WARS1: variants seen among roughly 807,000 people sequenced by gnomAD.
The protein encoded by WARS1 is tryptophan--tRNA ligase, cytoplasmic.
A neutral mutation model predicts 47.8 loss-of-function variants in WARS1; 17 were observed. The observed-to-expected ratio is 0.36, with a 90% CI of 0.24 to 0.53. WARS1 has a LOEUF of 0.53. Among genes scored for constraint, WARS1 ranks in the 20% least tolerant of loss-of-function variants. The pLI is 0.91. For synonymous variants in WARS1, 208 were observed against 228.1 expected (o/e 0.91, Z 0.79); for missense variants, 434 against 608.0 (o/e 0.71, Z 3.01).
chr14:100,370,029 T>C lies in WARS1; in HGVS notation c.-73-771A>G, dbSNP rs528458367. On this transcript the variant is annotated intron_variant, in intron 1 of 10. Coordinates refer to ENST00000392882, the MANE Select transcript of WARS1 (RefSeq NM_004184.4). ...CTTGGGCTTTTGCAGCCATAACTAA[T>C]ATATCGCTGAGCAAATGTCTTCCAC... 7.9e-5 allele frequency among the ~76,000 whole-genome samples: 12 copies of C among 152,302 alleles called. No homozygotes were observed. In the South Asian group the frequency reaches 2.5e-3, roughly 32 times the overall value.
chr14:100,366,473 T>A (rs1376985716), intron 2 of WARS1, among the ~76,000 whole-genome samples: 1 of 151,956 alleles, frequency 6.6e-6, no homozygotes, highest in Non-Finnish European at 1.5e-5. Context: ...ACCAAACAGT[T>A]GAGAATTGCC....
chr14:100,348,422 G>A (rs1312374557), intron 6 of WARS1, among the ~76,000 whole-genome samples: 3 of 152,180 alleles, frequency 2.0e-5, no homozygotes, highest in East Asian at 3.9e-4. Flanking sequence ...CCTAGCAGCC[G>A]GCTGAGTTTC....
intron 6 of WARS1, among the ~76,000 whole-genome samples, chr14:100,350,207 C>T (rs891233536): frequency 6.6e-6 from 1 of 151,940 alleles, no homozygotes; most frequent in African/African-American, 2.4e-5. Flanking sequence ...GCCTGGCCAA[C>T]ATGGTGAAAC....
At position 100,353,683 on chromosome 14, in the gene WARS1, T is replaced by C; in HGVS notation, c.725+4A>G. ...GAAAAGGCAGCCAGACGTTTTCTCC[T>C]TACCCCATGTAGTCCAGGTCAGAGA... On this transcript the variant is annotated splice_donor_region_variant and intron_variant, in intron 6 of 10. Transcript: ENST00000392882. The C allele has an allele frequency of 1.2e-6, 2 of 1,613,780 alleles. No homozygotes were observed. Among genetic ancestry groups the C allele is most frequent in the Non-Finnish European group, 1.7e-6 (2 of 1,179,880 alleles).
At chr14:100,335,977 A>T (rs1277633162) in intron 10 of WARS1, among the ~76,000 whole-genome samples, 25 of 149,690 alleles carry the variant, frequency 1.7e-4, no homozygotes, top group African/African-American at 3.9e-4. Context: ...TTTTTTTTTT[A>T]AAAGAAATGA....
intron 8 of WARS1, 90 bp downstream of exon 8, chr14:100,343,180 CATCAT>C: frequency 4.6e-6 from 5 of 1,081,960 alleles, no homozygotes; most frequent in Non-Finnish European, 6.5e-6. Flanking sequence ...CCTGGCTGCC[CATCAT>C]ATCTTTCAAT....
chr14:100,369,180 G>T lies in WARS1; in HGVS notation c.6C>A (p.Pro2=). Residue 2 remains proline (P), a synonymous_variant, in exon 2 of 11, where the codon CCC becomes CCA. Transcript: ENST00000392882. M[P]NSEPASLLEL... ...CCAGCAGAGATGCGGGCTCACTGTT[G>T]GGCATGTTTGCTATCTCTCAGGAAC... The T allele has an allele frequency of 6.7e-7, 1 of 1,482,048 alleles. No individual in the cohort carries two copies. The highest frequency in any genetic ancestry group is 1.3e-5 in the South Asian group (1 of 74,668). 91.8% of individuals were successfully genotyped at this position (1,482,048 alleles called of 1,614,324 possible).
chr14:100,365,494 C>T lies in WARS1; in HGVS notation c.100-3573G>A, dbSNP rs553492689. The T allele has an allele frequency of 1.4e-4, 37 of 265,660 alleles. 2 individuals carry two copies. Among genetic ancestry groups the T allele is most frequent in the South Asian group, 1.1e-3 (36 of 32,394 alleles). 16.5% of individuals were successfully genotyped at this position (265,660 alleles called of 1,614,324 possible). ...ACTTACGAGGCCAGGGCAGGAGAAT[C>T]GCTCGAACTCAGGAGGCAGAGGTTG... On this transcript the variant is annotated intron_variant, in intron 2 of 10. Transcript: ENST00000392882.
chr14:100,362,198 T>C (rs1288005787), intron 2 of WARS1, among the ~76,000 whole-genome samples: 1 of 152,192 alleles, frequency 6.6e-6, no homozygotes, highest in African/African-American at 2.4e-5. Flanking sequence ...CATGAACACT[T>C]TGGGACAGTA....
intron 3 of WARS1, among the ~76,000 whole-genome samples, chr14:100,361,196 A>G (rs182001295): frequency 2.0e-5 from 3 of 152,360 alleles, no homozygotes; most frequent in Admixed American, 2.0e-4. Flanking sequence ...TCTGATAATT[A>G]GCAATGATCT....
intron 2 of WARS1, among the ~76,000 whole-genome samples, chr14:100,368,117 G>A (rs1025522026): frequency 1.3e-5 from 2 of 152,176 alleles, no homozygotes; most frequent in African/African-American, 4.8e-5. Flanking sequence ...GGGAGAGATC[G>A]CCTCAAGAAG....
intron 6 of WARS1, 122 bp from the exon 7 acceptor site, chr14:100,346,968 G>A: frequency 2.4e-6 from 2 of 817,558 alleles, no homozygotes; most frequent in South Asian, 3.0e-5. Flanking sequence ...GCCACATTGT[G>A]GTCAACACGT....
chr14:100,335,258 C>T, intron 10 of WARS1, among the ~76,000 whole-genome samples: 1 of 152,204 alleles, frequency 6.6e-6, no homozygotes, highest in East Asian at 1.9e-4. Context: ...CATGACTTGG[C>T]CTCTCACAGT....
intron 2 of WARS1, chr14:100,366,858 T>C: frequency 6.2e-7 from 1 of 1,604,406 alleles, no homozygotes; most frequent in Non-Finnish European, 8.5e-7. Flanking sequence ...TTTGCTGCAT[T>C]TGTGGTAGCT....
intron 2 of WARS1, among the ~76,000 whole-genome samples, chr14:100,368,071 A>G (rs1896117984): frequency 6.6e-6 from 1 of 152,184 alleles, no homozygotes; most frequent in African/African-American, 2.4e-5. Context: ...AGGAAGCAAG[A>G]GCCCCCACTT....
intron 6 of WARS1, among the ~76,000 whole-genome samples, chr14:100,348,387 C>T (rs1469319606): frequency 3.4e-5 from 5 of 146,156 alleles, no homozygotes; most frequent in East Asian, 4.1e-4. Context: ...AGAGGCAGCA[C>T]GTGAGGGATG....
At chr14:100,371,468 G>A (rs1198847888) in intron 1 of WARS1, among the ~76,000 whole-genome samples, 32 of 76,330 alleles carry the variant, frequency 4.2e-4, no homozygotes, top group Non-Finnish European at 9.9e-4. Context: ...AAAAAAAAAA[G>A]TAGGCCAGGT....
intron 4 of WARS1, among the ~76,000 whole-genome samples, chr14:100,358,412 A>G (rs191966175): frequency 1.2e-4 from 18 of 152,296 alleles, no homozygotes; most frequent in Admixed American, 1.1e-3. Context: ...GATTACAGAC[A>G]TGAGCCACTG....
intron 2 of WARS1, among the ~76,000 whole-genome samples, chr14:100,365,164 A>ACACACACAC (rs1595454921): frequency 1.0e-5 from 1 of 98,648 alleles, no homozygotes; most frequent in Non-Finnish European, 2.4e-5. Context: ...CACACACACA[A>ACACACACAC]ATAATGATTT....
Sources: gnomAD v4.1 joint callset for allele counts (sites outside exome capture counted in the v4.1 genomes callset) on GRCh38, gnomAD v4.1.1 for gene constraint, MANE v1.5 for transcripts, NCBI Gene and HGNC (gene_info 2026-07-23, HGNC 2026-07-21) for gene names.